The following RGS7 variants were observed in gnomAD, a reference collection of about 807,000 sequenced individuals.
RGS7 encodes the protein regulator of G-protein signaling 7.
A neutral mutation model predicts 81.1 loss-of-function variants in RGS7; 27 were observed. The ratio of observed to expected loss-of-function variants is 0.33; its 90% CI spans 0.25 to 0.46. RGS7 has a LOEUF of 0.46. Among genes scored for constraint, RGS7 ranks in the 20% least tolerant of loss-of-function variants. RGS7 has a pLI of 1.00. For synonymous variants in RGS7, 208 were observed against 207.7 expected (o/e 1.00, Z -0.01); for missense variants, 396 against 607.4 (o/e 0.65, Z 3.66).
At chr1:240,950,019 T>C (rs997089626) in intron 4 of RGS7, among the ~76,000 whole-genome samples, 11 of 152,096 alleles carry the variant, frequency 7.2e-5, no homozygotes, top group African/African-American at 2.7e-4. Context: ...AAACCTCCAT[T>C]CCAAAATCTG....
chr1:240,786,775 T>C (rs1685145736), intron 18 of RGS7, among the ~76,000 whole-genome samples: 1 of 152,236 alleles, frequency 6.6e-6, no homozygotes, highest in Non-Finnish European at 1.5e-5. Flanking sequence ...AAGCCAATGC[T>C]TTAAAATATA....
rs1572875622 is a variant in RGS7 at position 241,144,346 on chromosome 1, A to G, written c.79-45584T>C. 6.6e-6 allele frequency among the ~76,000 whole-genome samples: 1 copy of G among 152,206 alleles called. No individual in the cohort carries two copies. Among genetic ancestry groups the G allele is most frequent in the African/African-American group, 2.4e-5 (1 of 41,454 alleles). On this transcript the variant is annotated intron_variant, in intron 2 of 18. Transcript: ENST00000440928. This position sits in a 1 kb window ranked among gnomAD's most constrained non-coding sequence, Gnocchi z 4.7. ...CACACATGTGGATACGCACAGGCAC[A>G]CACATCCAAATACACTGCAGGTAAG...
intron 2 of RGS7, among the ~76,000 whole-genome samples, chr1:241,142,708 C>T (rs2068020773): frequency 6.6e-6 from 1 of 152,210 alleles, no homozygotes; most frequent in Non-Finnish European, 1.5e-5. Context: ...GTGAAGACCT[C>T]AGACATGCCC....
chr1:241,353,616 A>G (rs894908705), intron 2 of RGS7, among the ~76,000 whole-genome samples: 8 of 152,322 alleles, frequency 5.3e-5, no homozygotes, highest in African/African-American at 1.9e-4. Context: ...CTTATCAAGA[A>G]AATCTTTCTT....
At chr1:240,783,793 TCTC>T (rs1004847695) in intron 18 of RGS7, among the ~76,000 whole-genome samples, 8 of 151,900 alleles carry the variant, frequency 5.3e-5, no homozygotes, top group African/African-American at 1.9e-4. Flanking sequence ...CCTACATTCT[TCTC>T]CTGCAATCCC....
intron 18 of RGS7, among the ~76,000 whole-genome samples, chr1:240,784,779 A>G (rs1458644347): frequency 2.6e-5 from 4 of 151,066 alleles, no homozygotes; most frequent in African/African-American, 9.8e-5. Flanking sequence ...ACTGGGATGG[A>G]TATTCTTGAG....
rs149116707 is a variant in RGS7 at position 240,988,398 on chromosome 1, T to C, written c.176-5269A>G. On this transcript the variant is annotated intron_variant, in intron 3 of 18. Transcript: ENST00000440928. ...TTAAATTAAACTCAGTTTAAAACACTGCAGAATTTCTGTAATTTAAAACAC... is the reference window on the plus strand; with the variant it reads ...TTAAATTAAACTCAGTTTAAAACACCGCAGAATTTCTGTAATTTAAAACAC... Among the ~76,000 whole-genome samples the C allele has an allele frequency of 2.8e-4, 42 of 152,252 alleles. 1 individual carries two copies. The highest frequency in any genetic ancestry group is 3.4e-3 in the Middle Eastern group (1 of 294).
At chr1:240,899,460 G>T (rs897366663) in intron 6 of RGS7, among the ~76,000 whole-genome samples, 2 of 152,168 alleles carry the variant, frequency 1.3e-5, no homozygotes, top group Admixed American at 6.5e-5. Context: ...TCCTTCAGGA[G>T]CTCTTATAAG....
rs775665694 is a variant in RGS7, at chr1:240,868,685, A to G, written c.528-17T>C. On this transcript the variant is annotated splice_polypyrimidine_tract_variant and intron_variant, in intron 8 of 18. Transcript: ENST00000440928. The surrounding 1 kb of genome is among the most constrained non-coding windows in gnomAD (Gnocchi z 5.1). ...TTGTCCACTCTGTCAACACAGTAACAATAGATAACATTTAGTATTAATTGT... is the reference window on the plus strand; with the variant it reads ...TTGTCCACTCTGTCAACACAGTAACGATAGATAACATTTAGTATTAATTGT... 1 of 1,613,176 alleles carries G rather than the reference A, an allele frequency of 6.2e-7. No homozygotes were observed. The highest frequency in any genetic ancestry group is 1.3e-5 in the African/African-American group (1 of 74,916).
chr1:241,274,506 T>G (rs1031222351), intron 2 of RGS7, among the ~76,000 whole-genome samples: 3 of 152,332 alleles, frequency 2.0e-5, no homozygotes, highest in South Asian at 2.1e-4. Context: ...TATTACGATC[T>G]TATAACACTG....
chr1:240,869,292 T>C (rs1387481098), intron 7 of RGS7, among the ~76,000 whole-genome samples: 1 of 152,120 alleles, frequency 6.6e-6, no homozygotes, highest in African/African-American at 2.4e-5. Flanking sequence ...AACCTATTCC[T>C]ACACAGTGCT....
rs1355336285 is a variant in RGS7, at chr1:241,164,576, T to A, written c.79-65814A>T. On this transcript the variant is annotated intron_variant, in intron 2 of 18. Transcript: ENST00000440928. The surrounding 1 kb of genome is among the most constrained non-coding windows in gnomAD (Gnocchi z 4.1). ...AAGACCAAATATATATTCTACAATA[T>A]CACAGGAGTCCTTGACCAAACTAGA... Among the ~76,000 whole-genome samples, 2 of 152,180 alleles carry A rather than the reference T, an allele frequency of 1.3e-5. No individual in the cohort carries two copies. Among genetic ancestry groups the A allele is most frequent in the African/African-American group, 2.4e-5 (1 of 41,436 alleles).
In RGS7 at chr1:241,040,031, AATATGCT is replaced by A. The variant is rs1196214001; in HGVS notation, c.176-56909_176-56903del. Among the ~76,000 whole-genome samples the A allele has an allele frequency of 9.2e-5, 14 of 152,204 alleles. 1 individual carries two copies. The highest frequency in any genetic ancestry group is 1.9e-4 in the Non-Finnish European group (13 of 68,032). ...CAAGTGCCCAACGGCTGAATTTCTT[AATATGCT>A]ATCCTAAGTCTCATCATGATGATAC... On this transcript the variant is annotated intron_variant, in intron 3 of 18. Transcript: ENST00000440928.
chr1:241,014,474 T>C (rs1303457271), intron 3 of RGS7, among the ~76,000 whole-genome samples: 1 of 152,250 alleles, frequency 6.6e-6, no homozygotes, highest in Non-Finnish European at 1.5e-5. Flanking sequence ...TTAAATCCAC[T>C]GGACTGAGGC....
At chr1:240,939,353 C>T (rs866740259) in intron 4 of RGS7, among the ~76,000 whole-genome samples, 5 of 152,142 alleles carry the variant, frequency 3.3e-5, no homozygotes, top group African/African-American at 1.2e-4. Flanking sequence ...ACTCTGTACC[C>T]TATAAATATC....
At chr1:240,886,184 A>T (rs1387007377) in intron 6 of RGS7, among the ~76,000 whole-genome samples, 1 of 152,196 alleles carries the variant, frequency 6.6e-6, no homozygotes, top group Admixed American at 6.5e-5. Context: ...ATCTCCCATA[A>T]TACTAGGTCA....
chr1:240,841,614 CT>C (rs1658011870), intron 9 of RGS7, among the ~76,000 whole-genome samples: 2 of 152,292 alleles, frequency 1.3e-5, no homozygotes, highest in Admixed American at 1.3e-4. Flanking sequence ...CATAAGCATT[CT>C]CTAAACTATA....
chr1:241,154,915 G>A (rs932034159), intron 2 of RGS7, among the ~76,000 whole-genome samples: 5 of 151,940 alleles, frequency 3.3e-5, no homozygotes, highest in African/African-American at 1.2e-4. Context: ...TAAAAATACT[G>A]TTCCAAGAGC....
chr1:241,262,212 C>G (rs954843380), intron 2 of RGS7, among the ~76,000 whole-genome samples: 6 of 152,076 alleles, frequency 3.9e-5, no homozygotes, highest in Non-Finnish European at 8.8e-5. Flanking sequence ...TGTATGGGTC[C>G]CAAATACTGC....
Sources: allele counts gnomAD v4.1 joint callset (sites outside exome capture counted in the v4.1 genomes callset), GRCh38; gene constraint gnomAD v4.1.1; non-coding constraint Gnocchi (gnomAD v3.1); transcripts MANE v1.5; gene names NCBI Gene and HGNC (gene_info 2026-07-23, HGNC 2026-07-21).